The following NKAIN3 variants were observed in gnomAD, a reference collection of about 807,000 sequenced individuals.
The protein encoded by NKAIN3 is sodium/potassium-transporting ATPase subunit beta-1-interacting protein 3.
Under a neutral mutation model 30.2 loss-of-function variants are expected in NKAIN3, and 25 were observed. The ratio of observed to expected loss-of-function variants is 0.83; its 90% CI spans 0.60 to 1.16. NKAIN3 has a LOEUF of 1.16. Among genes scored for constraint, NKAIN3 ranks in the 50% most tolerant of loss-of-function variants. The pLI is 0.00. For synonymous variants in NKAIN3, 91 were observed against 89.6 expected (o/e 1.02, Z -0.09); for missense variants, 225 against 254.1 (o/e 0.89, Z 0.78).
intron 3 of NKAIN3, among the ~76,000 whole-genome samples, chr8:62,662,036 A>G (rs1586062247): frequency 6.6e-6 from 1 of 152,206 alleles, no homozygotes; most frequent in Non-Finnish European, 1.5e-5. Context: ...AGGCTTGTCC[A>G]TCAGCCCTTA....
At chr8:62,686,444 A>G (rs1022765725) in intron 3 of NKAIN3, among the ~76,000 whole-genome samples, 1 of 152,228 alleles carries the variant, frequency 6.6e-6, no homozygotes, top group East Asian at 1.9e-4. Flanking sequence ...ATCTCTGTAC[A>G]GCCTGCAGAA....
intron 1 of NKAIN3, among the ~76,000 whole-genome samples, chr8:62,498,725 T>C (rs58785066): frequency 0.072 from 10,871 of 151,568 alleles, 478 homozygotes; most frequent in African/African-American, 0.13. Flanking sequence ...TTTTTTTTTT[T>C]TTCCATTCAG....
intron 1 of NKAIN3, among the ~76,000 whole-genome samples, chr8:62,422,987 A>G (rs1396658088): frequency 6.6e-6 from 1 of 152,098 alleles, no homozygotes; most frequent in African/African-American, 2.4e-5. Flanking sequence ...GGGTGACTCC[A>G]TGAGGCAACT....
intron 1 of NKAIN3, among the ~76,000 whole-genome samples, chr8:62,321,919 C>T (rs984229123): frequency 1.3e-5 from 2 of 152,132 alleles, no homozygotes; most frequent in Admixed American, 1.3e-4. Flanking sequence ...TATGCCCTGC[C>T]CCCAGAGGTG....
intron 3 of NKAIN3, among the ~76,000 whole-genome samples, chr8:62,741,028 A>G (rs1815849297): frequency 8.7e-6 from 1 of 114,858 alleles, no homozygotes; most frequent in African/African-American, 3.9e-5. Context: ...AACTTTATGA[A>G]AAAAAAAAAA....
In NKAIN3 at chr8:62,640,570, G is replaced by C. The variant is rs565302153; in HGVS notation, c.273+50776G>C. On this transcript the variant is annotated intron_variant, in intron 3 of 6. Transcript: ENST00000623646. ...TTTGTGAACTTTCAGATTGAAGACT[G>C]AATTTACCATTGTGAATTAAATGCC... 5.3e-5 allele frequency among the ~76,000 whole-genome samples: 8 copies of C among 152,266 alleles called. No individual in the cohort carries two copies. In the South Asian group the frequency reaches 1.7e-3, roughly 32 times the overall value.
intron 1 of NKAIN3, among the ~76,000 whole-genome samples, chr8:62,399,067 G>T: frequency 6.6e-6 from 1 of 152,046 alleles, no homozygotes; most frequent in East Asian, 1.9e-4. Context: ...CTCCCGCCTG[G>T]GTGACAGAGC....
intron 4 of NKAIN3, among the ~76,000 whole-genome samples, chr8:62,888,267 C>G (rs1397105809): frequency 6.6e-6 from 1 of 152,186 alleles, no homozygotes; most frequent in Non-Finnish European, 1.5e-5. Context: ...TTGTTAAGAA[C>G]AGAATGCTCT....
chr8:62,654,651 T>C (rs1253726896), intron 3 of NKAIN3, among the ~76,000 whole-genome samples: 3 of 152,190 alleles, frequency 2.0e-5, no homozygotes, highest in African/African-American at 7.2e-5. Flanking sequence ...GAAAATATTA[T>C]TCGTTTAAAA....
At chr8:62,923,806 A>T (rs1156549164) in intron 5 of NKAIN3, among the ~76,000 whole-genome samples, 1 of 152,194 alleles carries the variant, frequency 6.6e-6, no homozygotes, top group African/African-American at 2.4e-5. Flanking sequence ...GAGGAAGTTC[A>T]GGCAGCACAG....
intron 3 of NKAIN3, among the ~76,000 whole-genome samples, chr8:62,746,429 G>C (rs372789293): frequency 3.9e-5 from 6 of 152,218 alleles, no homozygotes; most frequent in Admixed American, 3.3e-4. Context: ...TAGAAGCTAA[G>C]TATCATTGGT....
chr8:62,549,393 T>G (rs1031399), intron 1 of NKAIN3, among the ~76,000 whole-genome samples: 54,818 of 151,948 alleles, frequency 0.36, 10,292 homozygotes, highest in African/African-American at 0.48. Context: ...ATTTAAAATT[T>G]TTTTTTCCTT....
rs555745074 is a variant in NKAIN3 at position 62,685,102 on chromosome 8, CTCT to C, written c.274-61828_274-61826del. ...CAGTGTTGCCAAGTTGTTGTACAGG[CTCT>C]TACCTGCAGCAATGGTTTTCTGCCC... On this transcript the variant is annotated intron_variant, in intron 3 of 6. Coordinates refer to ENST00000623646, the MANE Select transcript of NKAIN3 (RefSeq NM_001304533.3). 7.0e-4 allele frequency among the ~76,000 whole-genome samples: 107 copies of C among 152,258 alleles called. 1 individual carries two copies. The Middle Eastern group carries it at 0.01, about 15-fold the overall frequency.
chr8:62,283,180 A>G (rs1243375370), intron 1 of NKAIN3, among the ~76,000 whole-genome samples: 2 of 152,222 alleles, frequency 1.3e-5, no homozygotes, highest in Non-Finnish European at 2.9e-5. Context: ...CTAATCAGAA[A>G]CGAGTCCAGT....
chr8:62,665,726 C>T (rs564936710), intron 3 of NKAIN3, among the ~76,000 whole-genome samples: 21 of 152,260 alleles, frequency 1.4e-4, no homozygotes, highest in African/African-American at 5.1e-4. Context: ...TTCCTGTGCC[C>T]TCTCCCCCAG....
intron 4 of NKAIN3, among the ~76,000 whole-genome samples, chr8:62,858,241 C>T (rs1340420426): frequency 6.6e-6 from 1 of 151,512 alleles, no homozygotes; most frequent in African/African-American, 2.4e-5. Flanking sequence ...GAAGCTCCAT[C>T]CCGGGGGGTA....
intron 4 of NKAIN3, among the ~76,000 whole-genome samples, chr8:62,750,963 A>G (rs1816261213): frequency 6.6e-6 from 1 of 151,944 alleles, no homozygotes; most frequent in Non-Finnish European, 1.5e-5. Flanking sequence ...TTTGCCCTAC[A>G]CTTCATGCAT....
chr8:62,421,669 G>A (rs1804646248), intron 1 of NKAIN3, among the ~76,000 whole-genome samples: 1 of 150,608 alleles, frequency 6.6e-6, no homozygotes, highest in East Asian at 2.0e-4. Flanking sequence ...CCTTTCTATG[G>A]CTGTGAATGT....
intron 4 of NKAIN3, among the ~76,000 whole-genome samples, chr8:62,829,244 G>A (rs773748674): frequency 5.3e-5 from 8 of 152,164 alleles, no homozygotes; most frequent in Non-Finnish European, 1.2e-4. Flanking sequence ...GATCTGAAGT[G>A]TTGTGAAAAA....
Sources: allele counts gnomAD v4.1 joint callset (sites outside exome capture counted in the v4.1 genomes callset), GRCh38; gene constraint gnomAD v4.1.1; transcripts MANE v1.5; gene names NCBI Gene and HGNC (gene_info 2026-07-23, HGNC 2026-07-21).